KHDRBS3: variants seen among roughly 807,000 people sequenced by gnomAD.
KHDRBS3 encodes the protein KH RNA binding domain containing, signal transduction associated 3, also known as KH domain-containing, RNA-binding, signal transduction-associated protein 3.
KHDRBS3 carries 23 observed loss-of-function variants against 45.6 expected under a neutral mutation model. The ratio of observed to expected loss-of-function variants is 0.50; its 90% confidence interval spans 0.36 to 0.72. The LOEUF (loss-of-function observed/expected upper bound fraction) is 0.72, where lower values mean the gene tolerates loss of function less well. Ranked by LOEUF, KHDRBS3 falls within the 30% of genes least tolerant of loss-of-function variation. The pLI, the probability that KHDRBS3 is intolerant of heterozygous loss-of-function variation, is 0.00. For missense variants in KHDRBS3, 352 were observed against 424.8 expected (o/e 0.83, Z 1.51); for synonymous variants, 162 against 156.5 (o/e 1.04, Z -0.26).
intron 7 of KHDRBS3, among the ~76,000 whole-genome samples, chr8:135,638,835 C>T (rs902401150): frequency 6.9e-6 from 1 of 144,592 alleles, no homozygotes; most frequent in Admixed American, 7.2e-5. Flanking sequence ...CCTATAGTCC[C>T]AGCTACTCCC....
chr8:135,535,658 T>C (rs1260346813), intron 2 of KHDRBS3, among the ~76,000 whole-genome samples: 1 of 152,138 alleles, frequency 6.6e-6, no homozygotes, highest in Non-Finnish European at 1.5e-5. Flanking sequence ...TATGGGTCAC[T>C]TAACTTTGTA....
intron 2 of KHDRBS3, among the ~76,000 whole-genome samples, chr8:135,531,791 C>T (rs1192309049): frequency 4.6e-5 from 7 of 152,022 alleles, no homozygotes; most frequent in Non-Finnish European, 7.4e-5. Context: ...AGAATGACTT[C>T]ATTATGGGGA....
intron 7 of KHDRBS3, among the ~76,000 whole-genome samples, chr8:135,612,839 G>A (rs1829761278): frequency 6.6e-6 from 1 of 151,790 alleles, no homozygotes; most frequent in Non-Finnish European, 1.5e-5. Flanking sequence ...AGATTGAGAT[G>A]TGCTGGAAGT....
rs2130018267 is a variant in KHDRBS3 at position 135,457,587 on chromosome 8, C to T, written c.-280C>T. 1 of 147,006 alleles carries T rather than the reference C, an allele frequency of 6.8e-6. No homozygotes were observed. The highest frequency in any genetic ancestry group is 1.9e-4 in the South Asian group (1 of 5,200). The allele number at this position is 147,006 out of a possible 1,614,324, so 9.1% of individuals were successfully genotyped here. A position where few individuals can be genotyped will look rare whatever the true frequency, so the allele number is the denominator to read the frequency against. ...GCAGCCCGCTCGGCCCGAGGGCCCG[C>T]CTAACCGCGCCGCCCGCGCCCGCTC... On this transcript the variant is annotated 5_prime_UTR_variant, in exon 1 of 9. Coordinates refer to ENST00000355849, the MANE Select transcript of KHDRBS3 (RefSeq NM_006558.3). This position sits in a 1 kb window ranked among gnomAD's most constrained non-coding sequence, Gnocchi z 4.4.
intron 1 of KHDRBS3, among the ~76,000 whole-genome samples, chr8:135,464,838 G>T (rs1161073834): frequency 6.6e-6 from 1 of 152,220 alleles, no homozygotes; most frequent in African/African-American, 2.4e-5. Flanking sequence ...AGTAACTGGT[G>T]AATCAGGATT....
chr8:135,643,501 C>T (rs981399528), intron 7 of KHDRBS3, among the ~76,000 whole-genome samples: 14 of 152,176 alleles, frequency 9.2e-5, no homozygotes, highest in African/African-American at 3.1e-4. Context: ...TTGGAAATAG[C>T]CTGGAGGACA....
At chr8:135,580,560 C>T (rs1345020503) in intron 5 of KHDRBS3, among the ~76,000 whole-genome samples, 5 of 150,206 alleles carry the variant, frequency 3.3e-5, no homozygotes, top group South Asian at 2.1e-4. Flanking sequence ...TCTTAAATGT[C>T]CTTGAGGTCA....
chr8:135,645,032 C>G (rs546223861), intron 7 of KHDRBS3, 27 bp from the exon 8 acceptor site: 3 of 1,609,166 alleles, frequency 1.9e-6, no homozygotes, highest in Middle Eastern at 1.7e-4. Context: ...ATGATTTTGT[C>G]CTTTGTTTTG....
At chr8:135,643,585 A>G (rs1054167280) in intron 7 of KHDRBS3, among the ~76,000 whole-genome samples, 1 of 152,240 alleles carries the variant, frequency 6.6e-6, no homozygotes, top group Non-Finnish European at 1.5e-5. Context: ...ATAAAAAGGA[A>G]CATAGCTCCA....
At chr8:135,474,333 A>G (rs1290921491) in intron 1 of KHDRBS3, among the ~76,000 whole-genome samples, 3 of 152,150 alleles carry the variant, frequency 2.0e-5, no homozygotes, top group Non-Finnish European at 2.9e-5. Context: ...ATTTCATACC[A>G]CCAACTTTGC....
downstream of KHDRBS3, chr8:135,648,709 C>T (rs996064837): frequency 6.6e-6 from 1 of 152,070 alleles, no homozygotes; most frequent in Non-Finnish European, 1.5e-5. Flanking sequence ...CCTAGTACAA[C>T]ACTAGTGATT....
At chr8:135,476,070 G>C (rs985104205) in intron 1 of KHDRBS3, among the ~76,000 whole-genome samples, 8 of 152,242 alleles carry the variant, frequency 5.3e-5, no homozygotes, top group African/African-American at 1.9e-4. Flanking sequence ...AGGTTGTTTG[G>C]TATCATATGT....
chr8:135,514,189 G>A lies in KHDRBS3; in HGVS notation c.89-7048G>A, dbSNP rs371318704. ...AAGCAGATGTGGCTACATTAAGAACGTCCAATGCTTGTGATTTACAGCTTT... is the reference window on the plus strand; with the variant it reads ...AAGCAGATGTGGCTACATTAAGAACATCCAATGCTTGTGATTTACAGCTTT... On this transcript the variant is annotated intron_variant, in intron 1 of 8. Coordinates refer to ENST00000355849, the MANE Select transcript of KHDRBS3 (RefSeq NM_006558.3). Among the ~76,000 whole-genome samples, 9 of 152,252 alleles carry A rather than the reference G, an allele frequency of 5.9e-5. No individual in the cohort carries two copies. The East Asian group carries it at 7.7e-4, about 13-fold the overall frequency.
intron 2 of KHDRBS3, among the ~76,000 whole-genome samples, chr8:135,526,974 T>A (rs1362292496): frequency 6.6e-6 from 1 of 151,992 alleles, no homozygotes; most frequent in Admixed American, 6.6e-5. Flanking sequence ...CTGGTGCTGA[T>A]CAGCGCCAGC....
intron 7 of KHDRBS3, among the ~76,000 whole-genome samples, chr8:135,644,854 A>G (rs568414781): frequency 6.6e-6 from 1 of 152,072 alleles, no homozygotes; most frequent in Non-Finnish European, 1.5e-5. Flanking sequence ...ATTATGTATT[A>G]AAATTAGGGA....
At chr8:135,606,100 G>T (rs1829450157) in intron 6 of KHDRBS3, among the ~76,000 whole-genome samples, 1 of 152,134 alleles carries the variant, frequency 6.6e-6, no homozygotes, top group African/African-American at 2.4e-5. Context: ...ATTGGGCAGA[G>T]ATTTTAGTAA....
intron 7 of KHDRBS3, chr8:135,625,515 T>C (rs1830319527): frequency 1.2e-6 from 1 of 820,734 alleles, no homozygotes; most frequent in South Asian, 1.4e-5. Context: ...GGAGCTGCAC[T>C]GCTAGAACTG....
At chr8:135,553,492 T>G (rs1826718397) in intron 4 of KHDRBS3, among the ~76,000 whole-genome samples, 1 of 152,196 alleles carries the variant, frequency 6.6e-6, no homozygotes. Context: ...TTTTAATGTC[T>G]GCATAATATT....
chr8:135,492,516 C>CGT (rs1554616503), intron 1 of KHDRBS3, among the ~76,000 whole-genome samples: 1 of 145,856 alleles, frequency 6.9e-6, no homozygotes, highest in Non-Finnish European at 1.5e-5. Flanking sequence ...TATATATATA[C>CGT]ATATATATAT....
Sources: gnomAD v4.1 joint callset for allele counts (sites outside exome capture counted in the v4.1 genomes callset) on GRCh38, gnomAD v4.1.1 for gene constraint, Gnocchi (gnomAD v3.1) non-coding constraint, MANE v1.5 for transcripts, NCBI Gene and HGNC (gene_info 2026-07-23, HGNC 2026-07-21) for gene names.